Variants in SP2 observed in about 807,000 individuals in gnomAD.
SP2 encodes the protein Sp2 transcription factor, also known as transcription factor Sp2.
Under a neutral mutation model 50.1 loss-of-function variants are expected in SP2, and 9 were observed. The observed-to-expected ratio is 0.18, with a 90% CI of 0.11 to 0.31. The LOEUF is 0.31. Among genes scored for constraint, SP2 ranks in the 10% least tolerant of loss-of-function variants. SP2 has a pLI of 1.00. For synonymous variants in SP2, 313 were observed against 326.6 expected, an observed-to-expected ratio of 0.96 and a Z score of 0.45; for missense variants, 581 against 806.5, an observed-to-expected ratio of 0.72 and a Z score of 3.39.
At chr17:47,919,724 T>A (rs1370244155) in intron 3 of SP2, among the ~76,000 whole-genome samples, 1 of 151,524 alleles carries the variant, frequency 6.6e-6, no homozygotes, top group Non-Finnish European at 1.5e-5. Context: ...TTTCACCACT[T>A]GCCCCACTAA....
In SP2 at chr17:47,917,125, A is replaced by C. The variant is rs1222332300; in HGVS notation, c.1054A>C (p.Thr352Pro). The C allele has an allele frequency of 1.2e-6, 2 of 1,606,464 alleles. No homozygotes were observed. Among genetic ancestry groups the C allele is most frequent in the East Asian group, 2.2e-5 (1 of 44,824 alleles). Residue 352 changes from threonine (T) to proline (P), a missense_variant, in exon 3 of 7, where the codon ACT (threonine) becomes CCT (proline). By Grantham distance (38) the Thr-to-Pro change is conservative (BLOSUM62 -1). This residue lies in a region of SP2 where 397 missense variants were observed against 491.0 expected (regional missense o/e 0.81). Transcript: ENST00000376741. ...GATCCAGGCAGCTGAGCCGACACCTACTCAGGTACCACACTCCCTGTACTG... is the reference window on the plus strand; with the variant it reads ...GATCCAGGCAGCTGAGCCGACACCTCCTCAGGTACCACACTCCCTGTACTG... Reference protein sequence around the residue: ...FQIQAAEPTPTQVYIRTPSGE... With the variant: ...FQIQAAEPTPPQVYIRTPSGE...
intron 1 of SP2, among the ~76,000 whole-genome samples, chr17:47,897,098 C>T (rs944048919): frequency 2.0e-5 from 3 of 152,224 alleles, no homozygotes; most frequent in Admixed American, 2.0e-4. Flanking sequence ...CAGGCGCAAA[C>T]AATCTTAAGG....
At chr17:47,921,102 A>G (rs1357790793) in intron 3 of SP2, among the ~76,000 whole-genome samples, 2 of 152,100 alleles carry the variant, frequency 1.3e-5, no homozygotes, top group Non-Finnish European at 2.9e-5. Flanking sequence ...TTCATTCCTT[A>G]TATTTTCCCA....
intron 1 of SP2, among the ~76,000 whole-genome samples, chr17:47,911,506 CAAA>C (rs71366807): frequency 1.3e-4 from 9 of 69,062 alleles, no homozygotes; most frequent in African/African-American, 9.7e-5. Context: ...GACTACATCT[CAAA>C]AAAAAAAAAA....
chr17:47,917,493 T>C (rs2035260774), intron 3 of SP2, among the ~76,000 whole-genome samples: 1 of 152,132 alleles, frequency 6.6e-6, no homozygotes, highest in Non-Finnish European at 1.5e-5. Context: ...TAGAATTTTA[T>C]GTAAAGTAAG....
At position 47,916,324 on chromosome 17, in the gene SP2, G is replaced by A. The variant is rs2035199852; in HGVS notation, c.253G>A (p.Gly85Arg). The change falls in exon 3 of 7, where the codon GGA becomes AGA. Residue 85 changes from glycine to arginine, a missense_variant. Coordinates refer to ENST00000376741, the MANE Select transcript of SP2 (RefSeq NM_003110.6). This position sits in a 1 kb window ranked among gnomAD's most constrained non-coding sequence, Gnocchi z 4.7. ...LPLSPGKNSF[G>R]ILSSKGNILQ... Reference sequence around the variant, plus strand: ...TCTCAGCCCCGGCAAGAATAGCTTTGGAATCTTGTCCTCCAAAGGAAATAT... The same window carrying A: ...TCTCAGCCCCGGCAAGAATAGCTTTAGAATCTTGTCCTCCAAAGGAAATAT... The A allele has an allele frequency of 6.2e-7, 1 of 1,613,890 alleles. No homozygotes were observed. The highest frequency in any genetic ancestry group is 1.7e-5 in the Admixed American group (1 of 59,992).
intron 1 of SP2, among the ~76,000 whole-genome samples, chr17:47,913,290 G>A (rs1477362279): frequency 2.0e-5 from 3 of 151,928 alleles, no homozygotes; most frequent in Non-Finnish European, 4.4e-5. Context: ...ATTCACAGGT[G>A]TGATAATAGG....
In SP2 at chr17:47,925,417, G is replaced by T; in HGVS notation, c.1617G>T (p.Thr539=). The T allele has an allele frequency of 6.2e-7, 1 of 1,614,224 alleles. No homozygotes were observed. The highest frequency in any genetic ancestry group is 8.5e-7 in the Non-Finnish European group (1 of 1,180,050). The change falls in exon 6 of 7, where the codon ACG becomes ACT. Residue 539 remains threonine, a synonymous_variant. Coordinates refer to ENST00000376741, the MANE Select transcript of SP2 (RefSeq NM_003110.6). ...ACTGTGGCAAGACGTTCCGTAAGAC[G>T]TCCTTGCTGCGTGCCCATGTGCGCC... ...IPDCGKTFRK[T]SLLRAHVRLH... is the part of the protein sequence containing the mutation.
chr17:47,919,005 A>ACG, intron 3 of SP2, among the ~76,000 whole-genome samples: 1 of 114,450 alleles, frequency 8.7e-6, no homozygotes, highest in South Asian at 2.8e-4. Flanking sequence ...ATGCAAATAC[A>ACG]CACACACACA....
intron 1 of SP2, chr17:47,898,211 A>C (rs2034413180): frequency 6.6e-6 from 1 of 152,224 alleles, no homozygotes; most frequent in African/African-American, 2.4e-5. Flanking sequence ...ATTCTATTAA[A>C]GTTTGGGCCT....
chr17:47,923,660 T>C (rs1440915437), intron 4 of SP2, among the ~76,000 whole-genome samples: 2 of 152,222 alleles, frequency 1.3e-5, no homozygotes, highest in African/African-American at 4.8e-5. Context: ...AAACCAGCCT[T>C]GCAAATAACC....
Position 47,927,882 on chromosome 17 carries a change from C to A in SP2, c.*58C>A. 1.8e-6 allele frequency: 2 copies of A among 1,089,584 alleles called. No individual in the cohort carries two copies. Among genetic ancestry groups the A allele is most frequent in the Non-Finnish European group, 2.8e-6 (2 of 725,996 alleles). The allele number at this position is 1,089,584 out of a possible 1,614,324, so 67.5% of individuals were successfully genotyped here. A position where few individuals can be genotyped will look rare whatever the true frequency, so the allele number is the denominator to read the frequency against. On this transcript the variant is annotated 3_prime_UTR_variant, in exon 7 of 7. Transcript: ENST00000376741. ...GTCCCCCACCTGTGTCCTCCCTGGG[C>A]CCCTGGTGGAAAGGAGCCCTGTGGC...
chr17:47,917,497 A>G (rs969095493), intron 3 of SP2, among the ~76,000 whole-genome samples: 1 of 152,182 alleles, frequency 6.6e-6, no homozygotes, highest in South Asian at 2.1e-4. Flanking sequence ...ATTTTATGTA[A>G]AGTAAGAAAA....
chr17:47,925,033 C>A lies in SP2; in HGVS notation c.1487C>A (p.Pro496His). The A allele has an allele frequency of 6.2e-7, 1 of 1,614,172 alleles. No homozygotes were observed. ...CAAGCCCTGGCCGGAGAGACCCAGC[C>A]CGGGGAGAAGCGGCGCCGCATGGCC... is the stretch of plus-strand genomic sequence containing the variant. Reference protein sequence around the residue: ...MEQALAGETQPGEKRRRMACT... With the variant: ...MEQALAGETQHGEKRRRMACT... The change falls in exon 5 of 7, where the codon CCC (proline) becomes CAC (histidine). Residue 496 changes from proline (P) to histidine (H), a missense_variant. Around this residue, in one of 2 missense-constraint regions of SP2, gnomAD observed 184 missense variants for 315.5 expected, o/e 0.58. Coordinates refer to ENST00000376741, the MANE Select transcript of SP2 (RefSeq NM_003110.6).
At position 47,916,708 on chromosome 17, in the gene SP2, A is replaced by G. The variant is rs773569518; in HGVS notation, c.637A>G (p.Thr213Ala). 12 of 1,613,278 alleles carry G rather than the reference A, an allele frequency of 7.4e-6. No individual in the cohort carries two copies. The highest frequency in any genetic ancestry group is 9.3e-6 in the Non-Finnish European group (11 of 1,179,488). The change falls in exon 3 of 7, where the codon ACT (threonine) becomes GCT (alanine). Residue 213 changes from threonine (T) to alanine (A), a missense_variant. By Grantham distance (58) the Thr-to-Ala change is moderately conservative. Transcript: ENST00000376741. This position sits in a 1 kb window ranked among gnomAD's most constrained non-coding sequence, Gnocchi z 4.7. ...LTGGGGNVTL[T>A]LPVNNLVNAS... ...AGGTGGGGGCGGCAATGTGACGCTC[A>G]CTCTGCCCGTCAACAACCTTGTGAA...
chr17:47,917,046 G>T lies in SP2; in HGVS notation c.975G>T (p.Gln325His). Residue 325 changes from glutamine (Q) to histidine (H), a missense_variant, in exon 3 of 7, where the codon CAG becomes CAT. Around this residue, in one of 2 missense-constraint regions of SP2, gnomAD observed 397 missense variants for 491.0 expected, o/e 0.81. Coordinates refer to ENST00000376741, the MANE Select transcript of SP2 (RefSeq NM_003110.6). ...QIPQQALRVV[Q>H]AASATLPTVP... is the part of the protein sequence containing the mutation. The stretch of plus-strand genomic sequence containing the variant: ...CCCAGCAGGCTCTGCGGGTGGTGCA[G>T]GCGGCATCTGCCACCCTCCCCACTG... 6.2e-7 allele frequency: 1 copy of T among 1,614,056 alleles called. No homozygotes were observed. The highest frequency in any genetic ancestry group is 8.5e-7 in the Non-Finnish European group (1 of 1,180,024).
At chr17:47,896,598 C>G (rs1049809216) in intron 1 of SP2, among the ~76,000 whole-genome samples, 2 of 152,166 alleles carry the variant, frequency 1.3e-5, no homozygotes, top group African/African-American at 2.4e-5. Flanking sequence ...TGGCCTGGCA[C>G]CCCTCGGACG....
intron 6 of SP2, among the ~76,000 whole-genome samples, chr17:47,927,332 G>A (rs924198982): frequency 6.6e-6 from 1 of 151,974 alleles, no homozygotes; most frequent in Non-Finnish European, 1.5e-5. Flanking sequence ...TCAGGAGTTC[G>A]AGACCAGCCT....
intron 1 of SP2, among the ~76,000 whole-genome samples, chr17:47,906,073 G>T (rs1366794722): frequency 6.6e-6 from 1 of 152,194 alleles, no homozygotes; most frequent in East Asian, 1.9e-4. Context: ...GAGAGTAGCT[G>T]GATGGGATTT....
Sources: allele counts gnomAD v4.1 joint callset (sites outside exome capture counted in the v4.1 genomes callset), GRCh38; gene constraint gnomAD v4.1.1; regional missense constraint gnomAD v4.1.1; non-coding constraint Gnocchi (gnomAD v3.1); transcripts MANE v1.5; gene names NCBI Gene and HGNC (gene_info 2026-07-23, HGNC 2026-07-21).